The following MED15 variants were observed in gnomAD, a reference collection of about 807,000 sequenced individuals.
MED15 encodes the protein mediator of RNA polymerase II transcription subunit 15.
A neutral mutation model predicts 118.7 loss-of-function variants in MED15; 41 were observed. That is an observed-to-expected ratio of 0.35 (90% CI 0.27 to 0.45). MED15 has a LOEUF of 0.45. MED15 is among the 20% of genes least tolerant of loss of function. MED15 has a pLI of 1.00. For missense variants in MED15, 740 were observed against 1,025.5 expected, an observed-to-expected ratio of 0.72 and a Z score of 3.80; for synonymous variants, 436 against 413.9, an observed-to-expected ratio of 1.05 and a Z score of -0.65.
rs116430800 is a variant in MED15 at position 20,551,333 on chromosome 22, A to G, written c.157-103A>G. The G allele has an allele frequency of 7.3e-3, 7,610 of 1,040,270 alleles. 350 individuals are homozygous for G. The African/African-American group carries it at 0.1, about 14-fold the overall frequency. The allele number at this position is 1,040,270 out of a possible 1,614,324, so 64.4% of individuals were successfully genotyped here. ...CAAGCGTCTGAATCTGCCTTGCAGG[A>G]TGGGCTTCAGCTCGGTGCCAGCAGG... On this transcript the variant is annotated intron_variant, in intron 2 of 17. Transcript: ENST00000263205.
At chr22:20,577,397 CCCCTCCCT>C (rs1315852895) in intron 9 of MED15, among the ~76,000 whole-genome samples, 3 of 150,920 alleles carry the variant, frequency 2.0e-5, no homozygotes, top group South Asian at 2.1e-4. Flanking sequence ...TCACAGGCAG[CCCCTCCCT>C]CCCTCCCTCC....
intron 9 of MED15, among the ~76,000 whole-genome samples, chr22:20,575,938 C>T (rs2056812308): frequency 6.6e-6 from 1 of 152,126 alleles, no homozygotes; most frequent in African/African-American, 2.4e-5. Context: ...TGGTATTGGG[C>T]CATGCTGTTG....
At chr22:20,543,833 T>C (rs4821945) in intron 2 of MED15, among the ~76,000 whole-genome samples, 83,936 of 152,066 alleles carry the variant, frequency 0.55, 23,538 homozygotes, top group Admixed American at 0.69. Context: ...GCTGGGATTA[T>C]AGGCATGAGT....
chr22:20,546,153 C>T (rs572998699), intron 2 of MED15, among the ~76,000 whole-genome samples: 1 of 152,252 alleles, frequency 6.6e-6, no homozygotes, highest in African/African-American at 2.4e-5. Context: ...CCCCTCTGGC[C>T]CCTCCCAGCC....
In MED15 at chr22:20,583,112, GTGAACCCCAGCT is replaced by G; in HGVS notation, c.1538_1549del (p.Val513_Ser517delinsAla). The G allele has an allele frequency of 6.3e-7, 1 of 1,588,926 alleles. No individual in the cohort carries two copies. The highest frequency in any genetic ancestry group is 8.6e-7 in the Non-Finnish European group (1 of 1,166,256). ...TGGCCTCACCCGCCTGTGTCCTGCA[GTGAACCCCAGCT>G]CTGTCATGAGCCCAGCTGGCTCCAG... On this transcript the variant is annotated inframe_deletion and splice_region_variant, in exon 12 of 18. Coordinates refer to ENST00000263205, the MANE Select transcript of MED15 (RefSeq NM_001003891.3).
At position 20,555,158 on chromosome 22, in the gene MED15, A is replaced by G. The variant is rs1432112740; in HGVS notation, c.451+10A>G. The G allele has an allele frequency of 1.9e-6, 3 of 1,580,016 alleles. No individual in the cohort carries two copies. Among genetic ancestry groups the G allele is most frequent in the Middle Eastern group, 1.7e-4 (1 of 6,006 alleles). On this transcript the variant is annotated intron_variant, in intron 5 of 17. Coordinates refer to ENST00000263205, the MANE Select transcript of MED15 (RefSeq NM_001003891.3). The stretch of plus-strand genomic sequence containing the variant: ...ACGGCAACTCCACAGAGTGAGTACC[A>G]CACTTCTTGGAGGATTTGCCGCTTT...
chr22:20,575,322 G>C (rs183753112), intron 9 of MED15, 90 bp downstream of exon 9: 3 of 1,475,800 alleles, frequency 2.0e-6, no homozygotes, highest in Non-Finnish European at 2.7e-6. Flanking sequence ...TATCATCGCC[G>C]GTGACTTCTT....
At chr22:20,536,197 C>A (rs2146442115) in intron 1 of MED15, among the ~76,000 whole-genome samples, 1 of 152,202 alleles carries the variant, frequency 6.6e-6, no homozygotes, top group Non-Finnish European at 1.5e-5. Flanking sequence ...TATCAGCAAG[C>A]CCAGGGTGGG....
intron 5 of MED15, among the ~76,000 whole-genome samples, chr22:20,558,999 T>A (rs964672882): frequency 3.3e-5 from 5 of 151,488 alleles, no homozygotes; most frequent in African/African-American, 1.2e-4. Flanking sequence ...TATAAAGAAA[T>A]AAAGTGGAGA....
chr22:20,522,759 AGTGG>A (rs965675643), intron 1 of MED15: 13 of 152,524 alleles, frequency 8.5e-5, no homozygotes, highest in African/African-American at 3.1e-4. Flanking sequence ...TGCAGGAGCA[AGTGG>A]GTGGGCCGTC....
At chr22:20,523,088 T>TA (rs1255614948) in intron 1 of MED15, 2 of 152,226 alleles carry the variant, frequency 1.3e-5, no homozygotes, top group African/African-American at 2.4e-5. Context: ...GACATATTGA[T>TA]ATATTTCCAC....
At chr22:20,536,864 C>A (rs1012633122) in intron 1 of MED15, among the ~76,000 whole-genome samples, 1 of 152,192 alleles carries the variant, frequency 6.6e-6, no homozygotes, top group Non-Finnish European at 1.5e-5. Context: ...TCCCTTCATG[C>A]CAGGGCTCTC....
rs60248748 is a variant in MED15, at chr22:20,521,695, CTTATTTATTTAT to C, written c.68+13978_68+13989del. Among the ~76,000 whole-genome samples the C allele has an allele frequency of 8.0e-4, 113 of 141,030 alleles. 1 individual carries two copies. The highest frequency in any genetic ancestry group is 3.5e-3 in the Middle Eastern group (1 of 282). 92.5% of individuals were successfully genotyped at this position (141,030 alleles called of 152,430 possible). A position where few individuals can be genotyped will look rare whatever the true frequency, so the allele number is the denominator to read the frequency against. On this transcript the variant is annotated intron_variant, in intron 1 of 17. Transcript: ENST00000263205. ...ACAGGCGTGAGCCACTGCGCCTGGC[CTTATTTATTTAT>C]TTATTTATTTATTTATTTATTTATT...
intron 2 of MED15, among the ~76,000 whole-genome samples, chr22:20,545,396 T>A (rs2055486902): frequency 6.7e-6 from 1 of 148,706 alleles, no homozygotes; most frequent in Admixed American, 6.8e-5. Flanking sequence ...GGAGAATCAC[T>A]TGAACCCAGG....
intron 1 of MED15, among the ~76,000 whole-genome samples, chr22:20,515,756 A>T (rs749632199): frequency 6.6e-6 from 1 of 151,918 alleles, no homozygotes; most frequent in African/African-American, 2.4e-5. Flanking sequence ...ACTGCACTCC[A>T]GCCTGGCGAC....
chr22:20,547,442 A>G (rs1261932855), intron 2 of MED15, among the ~76,000 whole-genome samples: 3 of 152,156 alleles, frequency 2.0e-5, no homozygotes, highest in Middle Eastern at 3.2e-3. Context: ...AGTGACTCAC[A>G]CCTGTAATCC....
At chr22:20,543,494 G>A (rs1202833754) in intron 2 of MED15, among the ~76,000 whole-genome samples, 1 of 150,716 alleles carries the variant, frequency 6.6e-6, no homozygotes, top group African/African-American at 2.4e-5. Flanking sequence ...TTATAGACGT[G>A]AGCCACCATG....
chr22:20,514,772 C>T (rs758314192), intron 1 of MED15, among the ~76,000 whole-genome samples: 2 of 152,168 alleles, frequency 1.3e-5, no homozygotes, highest in Non-Finnish European at 2.9e-5. Context: ...TAGGGAGTGC[C>T]CTTAAACTTG....
chr22:20,569,303 G>T (rs1379184253), intron 8 of MED15, among the ~76,000 whole-genome samples: 1 of 152,232 alleles, frequency 6.6e-6, no homozygotes, highest in African/African-American at 2.4e-5. Context: ...CTTGTGGGGA[G>T]ACGTACAGTC....
Sources: allele counts gnomAD v4.1 joint callset (sites outside exome capture counted in the v4.1 genomes callset), GRCh38; gene constraint gnomAD v4.1.1; transcripts MANE v1.5; gene names NCBI Gene and HGNC (gene_info 2026-07-23, HGNC 2026-07-21).